The following NR3C1 variants were observed in gnomAD, a reference collection of about 807,000 sequenced individuals.
The protein encoded by NR3C1 is glucocorticoid receptor.
NR3C1 carries 14 observed loss-of-function variants against 74.0 expected under a neutral mutation model. That is an observed-to-expected ratio of 0.19 (90% CI 0.12 to 0.30). The LOEUF is 0.30. Ranked by LOEUF, NR3C1 falls within the 10% of genes least tolerant of loss-of-function variation. NR3C1 has a pLI of 1.00. For missense variants in NR3C1, 695 were observed against 909.8 expected, an observed-to-expected ratio of 0.76 and a Z score of 3.04; for synonymous variants, 308 against 332.5, an observed-to-expected ratio of 0.93 and a Z score of 0.80.
At chr5:143,421,547 G>A (rs1246379047) in intron 1 of NR3C1, among the ~76,000 whole-genome samples, 1 of 151,854 alleles carries the variant, frequency 6.6e-6, no homozygotes, top group Non-Finnish European at 1.5e-5. Context: ...GCACATGGGT[G>A]TGGAGGCTCA....
In NR3C1 at chr5:143,300,713, C is replaced by T. The variant is rs368060401; in HGVS notation, c.1519G>A (p.Val507Ile). ...IKGIQQATTG[V>I]SQETSENPGN... ...GGATTTTCAGAGGTTTCTTGTGAGA[C>T]TCCTGTAGTGGCCTGCTGAATTCCT... Residue 507 changes from valine to isoleucine, a missense_variant, in exon 5 of 9, where the codon GTC (valine) becomes ATC (isoleucine). Val to Ile is a conservative substitution (Grantham distance 29, BLOSUM62 3). Around this residue, in one of 4 missense-constraint regions of NR3C1, gnomAD observed 42 missense variants for 49.3 expected, o/e 0.85. Coordinates refer to ENST00000394464, the MANE Select transcript of NR3C1 (RefSeq NM_000176.3). This position sits in a 1 kb window ranked among gnomAD's most constrained non-coding sequence, Gnocchi z 5.2. 1.1e-5 allele frequency: 17 copies of T among 1,614,156 alleles called. No individual in the cohort carries two copies. Among genetic ancestry groups the T allele is most frequent in the South Asian group, 6.6e-5 (6 of 91,078 alleles).
chr5:143,398,384 A>G (rs1358028611), intron 2 of NR3C1, among the ~76,000 whole-genome samples: 1 of 145,918 alleles, frequency 6.9e-6, no homozygotes, highest in Non-Finnish European at 1.5e-5. Context: ...TTGACAACTA[A>G]GCCTTTTAGA....
At chr5:143,329,033 C>CT (rs1385247455) in intron 2 of NR3C1, among the ~76,000 whole-genome samples, 1 of 152,188 alleles carries the variant, frequency 6.6e-6, no homozygotes, top group Non-Finnish European at 1.5e-5. Flanking sequence ...GTACCCAACC[C>CT]TGCCAGTACC....
intron 2 of NR3C1, among the ~76,000 whole-genome samples, chr5:143,373,991 T>C (rs775714603): frequency 3.9e-5 from 6 of 152,228 alleles, no homozygotes; most frequent in Non-Finnish European, 8.8e-5. Context: ...TAACTTCAGT[T>C]ACTCTTTCTG....
intron 2 of NR3C1, among the ~76,000 whole-genome samples, chr5:143,377,167 A>G (rs1195876991): frequency 1.3e-5 from 2 of 152,210 alleles, no homozygotes; most frequent in African/African-American, 4.8e-5. Context: ...TTCCCTAATG[A>G]AGCATAAATT....
At chr5:143,416,156 C>G (rs1841469447) in intron 1 of NR3C1, among the ~76,000 whole-genome samples, 1 of 152,180 alleles carries the variant, frequency 6.6e-6, no homozygotes, top group Non-Finnish European at 1.5e-5. Flanking sequence ...TACTGTTTTA[C>G]TTGCCAAGTA....
In NR3C1 at chr5:143,333,799, A is replaced by G. The variant is rs531944802; in HGVS notation, c.1185-19631T>C. 1.6e-4 allele frequency among the ~76,000 whole-genome samples: 25 copies of G among 152,154 alleles called. No individual in the cohort carries two copies. In the Middle Eastern group the frequency reaches 0.01, roughly 62 times the overall value. On this transcript the variant is annotated intron_variant, in intron 2 of 8. Transcript: ENST00000394464. ...AAACAAACAAACAAACAAACAAACA[A>G]AAAACTATTGCTGCAGTCATTCAGA...
intron 2 of NR3C1, among the ~76,000 whole-genome samples, chr5:143,334,380 C>CA (rs1378281074): frequency 3.3e-5 from 5 of 149,452 alleles, no homozygotes; most frequent in Admixed American, 6.7e-5. Context: ...AACTCTGTCT[C>CA]AAAAAAAAAG....
Position 143,300,526 on chromosome 5 carries a change from C to T in NR3C1, c.1706G>A (p.Arg569Gln), listed in dbSNP as rs1460349075. 2 of 1,614,146 alleles carry T rather than the reference C, an allele frequency of 1.2e-6. No homozygotes were observed. Among genetic ancestry groups the T allele is most frequent in the Non-Finnish European group, 1.7e-6 (2 of 1,180,010 alleles). ...CCATTTCACTGCTGCAATCACTTGCCGCCCTCCTAACATGTTGAGCGTAGT... is the reference window on the plus strand; with the variant it reads ...CCATTTCACTGCTGCAATCACTTGCTGCCCTCCTAACATGTTGAGCGTAGT... Reference protein sequence around the residue: ...IMTTLNMLGGRQVIAAVKWAK... With the variant: ...IMTTLNMLGGQQVIAAVKWAK... Residue 569 changes from arginine (R) to glutamine (Q), a missense_variant, in exon 5 of 9, where the codon CGG (arginine) becomes CAG (glutamine). By Grantham distance (43) the Arg-to-Gln change is conservative. Around this residue, in one of 4 missense-constraint regions of NR3C1, gnomAD observed 133 missense variants for 287.9 expected, o/e 0.46. Transcript: ENST00000394464. This position sits in a 1 kb window ranked among gnomAD's most constrained non-coding sequence, Gnocchi z 5.2.
At chr5:143,326,690 C>T (rs557361959) in intron 2 of NR3C1, among the ~76,000 whole-genome samples, 1 of 152,188 alleles carries the variant, frequency 6.6e-6, no homozygotes, top group South Asian at 2.1e-4. Context: ...TATACTGTCC[C>T]ACTAAAGTAT....
In NR3C1 at chr5:143,399,902, C is replaced by T. The variant is rs1408817631; in HGVS notation, c.938G>A (p.Gly313Asp). 10 of 1,614,144 alleles carry T rather than the reference C, an allele frequency of 6.2e-6. No individual in the cohort carries two copies. Among genetic ancestry groups the T allele is most frequent in the Non-Finnish European group, 8.5e-6 (10 of 1,180,024 alleles). ...AACAGAAATGGCAGACATTTTATTACCAATTATATTTGCTCCAGGAAAGCT... is the reference window on the plus strand; with the variant it reads ...AACAGAAATGGCAGACATTTTATTATCAATTATATTTGCTCCAGGAAAGCT... ...QASFPGANIIGNKMSAISVHG... is the reference protein window; with the variant it reads ...QASFPGANIIDNKMSAISVHG... The change falls in exon 2 of 9, where the codon GGT becomes GAT. Residue 313 changes from glycine to aspartate, a missense_variant. By Grantham distance (94) the Gly-to-Asp change is moderately conservative. Around this residue, in one of 4 missense-constraint regions of NR3C1, gnomAD observed 497 missense variants for 489.5 expected, o/e 1.02. Transcript: ENST00000394464.
intron 1 of NR3C1, among the ~76,000 whole-genome samples, chr5:143,431,111 G>A (rs1294264850): frequency 6.6e-6 from 1 of 152,164 alleles, no homozygotes; most frequent in African/African-American, 2.4e-5. Context: ...CCTTTCTGGG[G>A]CCACAGGGGT....
At chr5:143,363,139 T>C (rs549552831) in intron 2 of NR3C1, among the ~76,000 whole-genome samples, 2 of 152,336 alleles carry the variant, frequency 1.3e-5, no homozygotes, top group South Asian at 4.1e-4. Context: ...GGAAGATATT[T>C]TGCTTCTAGG....
intron 7 of NR3C1, chr5:143,294,545 G>C (rs947764359): frequency 1.3e-5 from 2 of 159,406 alleles, no homozygotes; most frequent in African/African-American, 4.8e-5. Context: ...ACATTCTTTG[G>C]GTTTGGATAA....
intron 2 of NR3C1, among the ~76,000 whole-genome samples, chr5:143,395,785 G>A (rs1456960769): frequency 6.6e-6 from 1 of 151,832 alleles, no homozygotes; most frequent in South Asian, 2.1e-4. Context: ...AGTAGACTAA[G>A]ATTTATGTAA....
At chr5:143,372,827 C>T (rs1834454879) in intron 2 of NR3C1, among the ~76,000 whole-genome samples, 1 of 152,184 alleles carries the variant, frequency 6.6e-6, no homozygotes, top group Admixed American at 6.5e-5. Context: ...TTCTAAACTA[C>T]ACATGCATAA....
chr5:143,367,324 G>A (rs1833417912), intron 2 of NR3C1, among the ~76,000 whole-genome samples: 1 of 152,128 alleles, frequency 6.6e-6, no homozygotes, highest in African/African-American at 2.4e-5. Context: ...TAAACTGAAA[G>A]GTTTCCCCAC....
At chr5:143,301,843 G>A (rs903737860) in intron 4 of NR3C1, among the ~76,000 whole-genome samples, 4 of 152,076 alleles carry the variant, frequency 2.6e-5, no homozygotes, top group Non-Finnish European at 5.9e-5. Context: ...TATAGTCTAT[G>A]GAGGACAGAT....
upstream of NR3C1, among the ~76,000 whole-genome samples, chr5:143,406,101 A>T (rs1451993809): frequency 6.6e-6 from 1 of 151,288 alleles, no homozygotes; most frequent in East Asian, 1.9e-4. Flanking sequence ...ATATACATGT[A>T]TGTATACATA....
Sources: allele counts gnomAD v4.1 joint callset (sites outside exome capture counted in the v4.1 genomes callset), GRCh38; gene constraint gnomAD v4.1.1; regional missense constraint gnomAD v4.1.1; non-coding constraint Gnocchi (gnomAD v3.1); transcripts MANE v1.5; gene names NCBI Gene and HGNC (gene_info 2026-07-23, HGNC 2026-07-21).